PCDHGA11: variants seen among roughly 807,000 people sequenced by gnomAD.
PCDHGA11 encodes the protein protocadherin gamma subfamily A, 11, also known as protocadherin gamma-A11.
Under a neutral mutation model 60.4 loss-of-function variants are expected in PCDHGA11, and 39 were observed. That is an observed-to-expected ratio of 0.65 (90% CI 0.50 to 0.84). The LOEUF (loss-of-function observed/expected upper bound fraction) is 0.84, where lower values mean the gene tolerates loss of function less well. PCDHGA11 is among the 40% of genes least tolerant of loss of function. The pLI, the probability that PCDHGA11 is intolerant of heterozygous loss-of-function variation, is 0.00. For synonymous variants in PCDHGA11, 533 were observed against 510.3 expected, an observed-to-expected ratio of 1.04 and a Z score of -0.60; for missense variants, 1,165 against 1,197.7, an observed-to-expected ratio of 0.97 and a Z score of 0.40.
At chr5:141,424,080 C>T (rs2096798143) in intron 1 of PCDHGA11, 1 of 970,378 alleles carries the variant, frequency 1.0e-6, no homozygotes, top group Admixed American at 6.0e-5. Context: ...AGTTATATTC[C>T]ACCATTATTT....
At chr5:141,510,879 G>T in intron 3 of PCDHGA11, 68 bp from the exon 4 acceptor site, 1 of 1,611,520 alleles carries the variant, frequency 6.2e-7, no homozygotes, top group Non-Finnish European at 8.5e-7. Flanking sequence ...TAACTGCTGG[G>T]GATATAAGAC....
intron 1 of PCDHGA11, among the ~76,000 whole-genome samples, chr5:141,456,640 TG>T (rs1258175023): frequency 6.6e-6 from 1 of 152,130 alleles, no homozygotes; most frequent in Non-Finnish European, 1.5e-5. Flanking sequence ...TTACTACAGG[TG>T]TTAATCCCAA....
intron 1 of PCDHGA11, among the ~76,000 whole-genome samples, chr5:141,434,225 G>A (rs1591320318): frequency 6.6e-6 from 1 of 152,146 alleles, no homozygotes; most frequent in African/African-American, 2.4e-5. Flanking sequence ...AACAAAGTAC[G>A]ATTTCTGGAC....
intron 3 of PCDHGA11, 93 bp downstream of exon 3, chr5:141,505,574 C>G: frequency 6.3e-7 from 1 of 1,593,636 alleles, no homozygotes; most frequent in South Asian, 1.1e-5. Flanking sequence ...GGATGTCAAA[C>G]CTGTGTAGTT....
chr5:141,427,193 C>T (rs1427995075), intron 1 of PCDHGA11: 1 of 456,496 alleles, frequency 2.2e-6, no homozygotes, highest in Admixed American at 2.4e-5. Context: ...AATCCAAAGA[C>T]TTAATAGACT....
At chr5:141,478,165 C>G (rs780594020) in intron 1 of PCDHGA11, 13 of 1,613,920 alleles carry the variant, frequency 8.1e-6, no homozygotes, top group African/African-American at 1.3e-5. Flanking sequence ...GCTCTGCCCC[C>G]CGGGAGCAGA....
At position 141,421,403 on chromosome 5, in the gene PCDHGA11, A is replaced by G; in HGVS notation, c.176A>G (p.Glu59Gly). 6.2e-7 allele frequency: 1 copy of G among 1,614,054 alleles called. No homozygotes were observed. The highest frequency in any genetic ancestry group is 8.5e-7 in the Non-Finnish European group (1 of 1,179,918). ...AAGGACCTGGGGCTGGAGCCCCGGGAGCTGGCGAAGCGCGGAGTCCGCATC... is the reference window on the plus strand; with the variant it reads ...AAGGACCTGGGGCTGGAGCCCCGGGGGCTGGCGAAGCGCGGAGTCCGCATC... ...ISKDLGLEPR[E>G]LAKRGVRIVS... The change falls in exon 1 of 4, where the codon GAG (glutamate) becomes GGG (glycine). Residue 59 changes from glutamate (E) to glycine (G), a missense_variant. Coordinates refer to ENST00000398587, the MANE Select transcript of PCDHGA11 (RefSeq NM_018914.3).
At chr5:141,455,041 T>C (rs971722465) in intron 1 of PCDHGA11, among the ~76,000 whole-genome samples, 2 of 151,234 alleles carry the variant, frequency 1.3e-5, no homozygotes, top group Non-Finnish European at 2.9e-5. Flanking sequence ...CTCGATCTCC[T>C]GACCTCGTGA....
intron 2 of PCDHGA11, among the ~76,000 whole-genome samples, chr5:141,505,092 G>A (rs965653546): frequency 5.9e-5 from 9 of 152,170 alleles, no homozygotes; most frequent in African/African-American, 2.2e-4. Flanking sequence ...AACCCAGGAG[G>A]TGGATGTTGC....
rs757127033 is a variant in PCDHGA11 at position 141,423,101 on chromosome 5, G to A, written c.1874G>A (p.Gly625Asp). The change falls in exon 1 of 4, where the codon GGC (glycine) becomes GAC (aspartate). Residue 625 changes from glycine (G) to aspartate (D), a missense_variant. Transcript: ENST00000398587. The part of the protein sequence containing the change: ...PGLFAVGEHT[G>D]EVRTARALLD... ...CTCTTCGCGGTGGGGGAGCACACGG[G>A]CGAGGTGCGTACAGCGCGGGCACTG... 1.9e-6 allele frequency: 3 copies of A among 1,613,966 alleles called. No homozygotes were observed. Among genetic ancestry groups the A allele is most frequent in the South Asian group, 1.1e-5 (1 of 91,080 alleles).
chr5:141,421,216 T>G lies in PCDHGA11; in HGVS notation c.-12T>G. The G allele has an allele frequency of 6.4e-7, 1 of 1,567,154 alleles. No individual in the cohort carries two copies. The highest frequency in any genetic ancestry group is 8.6e-7 in the Non-Finnish European group (1 of 1,159,472). ...GCTCGAGAAACCGCGGAATATCGGC[T>G]TAGAGCCTGCCATGGCGAATCGGCT... is the stretch of plus-strand genomic sequence containing the variant. On this transcript the variant is annotated 5_prime_UTR_variant, in exon 1 of 4. Transcript: ENST00000398587.
At chr5:141,435,008 A>G (rs961813777) in intron 1 of PCDHGA11, among the ~76,000 whole-genome samples, 3 of 152,130 alleles carry the variant, frequency 2.0e-5, no homozygotes, top group African/African-American at 7.2e-5. Context: ...GAATTTATCA[A>G]TGATAATGCT....
chr5:141,473,274 TA>T (rs2099318463), intron 1 of PCDHGA11, among the ~76,000 whole-genome samples: 1 of 152,210 alleles, frequency 6.6e-6, no homozygotes, highest in South Asian at 2.1e-4. Context: ...ATGCTATGAT[TA>T]TTTTACTATG....
At chr5:141,507,611 A>G (rs2099862056) in intron 3 of PCDHGA11, among the ~76,000 whole-genome samples, 1 of 152,258 alleles carries the variant, frequency 6.6e-6, no homozygotes, top group South Asian at 2.1e-4. Flanking sequence ...AAACAGGTAT[A>G]TTTAGCTGTT....
intron 3 of PCDHGA11, among the ~76,000 whole-genome samples, chr5:141,509,596 G>A (rs538867815): frequency 1.3e-5 from 2 of 152,258 alleles, no homozygotes; most frequent in Admixed American, 6.5e-5. Context: ...TGGCAATTCC[G>A]AGAGGCTGCA....
At chr5:141,478,506 ATAGGCAGGTGTTGGG>A in intron 1 of PCDHGA11, 1 of 1,612,314 alleles carries the variant, frequency 6.2e-7, no homozygotes, top group Non-Finnish European at 8.5e-7. Context: ...CCGGTGTTCT[ATAGGCAGGTGTTGGG>A]TGCAGAGAGC....
intron 1 of PCDHGA11, among the ~76,000 whole-genome samples, chr5:141,435,619 T>A (rs2097772280): frequency 6.6e-6 from 1 of 152,190 alleles, no homozygotes; most frequent in Non-Finnish European, 1.5e-5. Context: ...AAATTCCCCA[T>A]AACTTTTACA....
In PCDHGA11 at chr5:141,476,718, C is replaced by T; in HGVS notation, c.2434-18089C>T. On this transcript the variant is annotated intron_variant, in intron 1 of 3. Transcript: ENST00000398587. The surrounding 1 kb of genome is among the most constrained non-coding windows in gnomAD (Gnocchi z 7.6). ...TACGCGGAGCTGGTGTTGGAGCGCG[C>T]CCTGGACCGAGAACGGGAGCCTAGT... The T allele has an allele frequency of 1.2e-6, 2 of 1,614,144 alleles. No individual in the cohort carries two copies. The highest frequency in any genetic ancestry group is 2.2e-5 in the East Asian group (1 of 44,874).
rs1018384314 is a variant in PCDHGA11 at position 141,490,427 on chromosome 5, A to G, written c.2434-4380A>G. On this transcript the variant is annotated intron_variant, in intron 1 of 3. Coordinates refer to ENST00000398587, the MANE Select transcript of PCDHGA11 (RefSeq NM_018914.3). This position sits in a 1 kb window ranked among gnomAD's most constrained non-coding sequence, Gnocchi z 5.4. ...GATATCTCTCCGGACCTGCCATTTCAGATTAAGCCTTCTGAGAACCACTAC... is the reference window on the plus strand; with the variant it reads ...GATATCTCTCCGGACCTGCCATTTCGGATTAAGCCTTCTGAGAACCACTAC... 6.2e-7 allele frequency: 1 copy of G among 1,614,092 alleles called. No individual in the cohort carries two copies.
Sources: allele counts gnomAD v4.1 joint callset (sites outside exome capture counted in the v4.1 genomes callset), GRCh38; gene constraint gnomAD v4.1.1; non-coding constraint Gnocchi (gnomAD v3.1); transcripts MANE v1.5; gene names NCBI Gene and HGNC (gene_info 2026-07-23, HGNC 2026-07-21).